Variants in KDM3A observed in about 807,000 individuals in gnomAD.
KDM3A encodes lysine demethylase 3A.
KDM3A carries 60 observed loss-of-function variants against 158.0 expected under a neutral mutation model. The ratio of observed to expected loss-of-function variants is 0.38; its 90% confidence interval spans 0.31 to 0.47. The LOEUF (loss-of-function observed/expected upper bound fraction) is 0.47, where lower values mean the gene tolerates loss of function less well. KDM3A is among the 20% of genes least tolerant of loss of function. The pLI, the probability that KDM3A is intolerant of heterozygous loss-of-function variation, is 0.99. For synonymous variants in KDM3A, 608 were observed against 549.3 expected, an observed-to-expected ratio of 1.11 and a Z score of -1.49; for missense variants, 1,319 against 1,574.3, an observed-to-expected ratio of 0.84 and a Z score of 2.74.
chr2:86,491,852 G>A (rs1007349865), intron 25 of KDM3A, 187 bp from the exon 26 acceptor site: 2 of 578,532 alleles, frequency 3.5e-6, no homozygotes, highest in Admixed American at 3.1e-5. Context: ...GAAATCATGG[G>A]TTTAAAATGT....
chr2:86,456,892 T>G lies in KDM3A; in HGVS notation c.754+15T>G, dbSNP rs1558610644. ...TGTGACATGTGGTAAGATATGTTAT[T>G]AAAATCTTTCTTCTCCTTCCTCCTT... On this transcript the variant is annotated intron_variant, in intron 7 of 25. Transcript: ENST00000312912. 6.3e-7 allele frequency: 1 copy of G among 1,598,616 alleles called. No individual in the cohort carries two copies. The highest frequency in any genetic ancestry group is 1.1e-5 in the South Asian group (1 of 90,288).
chr2:86,439,854 T>G (rs1421697017), upstream of KDM3A, among the ~76,000 whole-genome samples: 1 of 152,196 alleles, frequency 6.6e-6, no homozygotes, highest in Non-Finnish European at 1.5e-5. Flanking sequence ...ATTGCTATAC[T>G]GCTTTCATTT....
chr2:86,438,921 C>T (rs1270401749), upstream of KDM3A, among the ~76,000 whole-genome samples: 1 of 151,994 alleles, frequency 6.6e-6, no homozygotes, highest in East Asian at 1.9e-4. Flanking sequence ...AAATCCTCTA[C>T]AACTTTCCAA....
chr2:86,449,703 G>T, intron 2 of KDM3A, 104 bp from the exon 3 acceptor site: 1 of 1,254,446 alleles, frequency 8.0e-7, no homozygotes, highest in South Asian at 1.5e-5. Flanking sequence ...TCCAGATAAA[G>T]GATTCAAATA....
chr2:86,456,640 T>TA, intron 6 of KDM3A, 74 bp downstream of exon 6: 1 of 1,432,686 alleles, frequency 7.0e-7, no homozygotes, highest in South Asian at 1.2e-5. Context: ...TATGATTTTC[T>TA]AGGCACTAAA....
intron 11 of KDM3A, among the ~76,000 whole-genome samples, chr2:86,472,221 T>C (rs1336046916): frequency 1.3e-5 from 2 of 152,144 alleles, no homozygotes; most frequent in East Asian, 3.8e-4. Flanking sequence ...ACTTTATGAC[T>C]TAGCTGTTTT....
intron 8 of KDM3A, among the ~76,000 whole-genome samples, chr2:86,457,816 T>G (rs1330626528): frequency 6.6e-6 from 1 of 152,224 alleles, no homozygotes; most frequent in African/African-American, 2.4e-5. Flanking sequence ...GGTTTGCCAT[T>G]ACTAATTTCT....
intron 4 of KDM3A, among the ~76,000 whole-genome samples, chr2:86,454,627 C>T (rs971427483): frequency 6.6e-6 from 1 of 151,958 alleles, no homozygotes; most frequent in Non-Finnish European, 1.5e-5. Context: ...AAAAAAAAAC[C>T]CAGACAGTAA....
intron 1 of KDM3A, 158 bp from the exon 2 acceptor site, chr2:86,441,853 AGGGCGGC>A (rs1682727142): frequency 6.4e-6 from 1 of 156,992 alleles, no homozygotes; most frequent in Non-Finnish European, 9.5e-6. Flanking sequence ...GTGGCGGGGG[AGGGCGGC>A]GGGGGGCGGG....
chr2:86,484,328 C>T (rs774180268), intron 19 of KDM3A, among the ~76,000 whole-genome samples, 170 bp downstream of exon 19: 4 of 152,180 alleles, frequency 2.6e-5, no homozygotes, highest in African/African-American at 7.2e-5. Context: ...CTTTTAAACA[C>T]TGAGGCATTA....
At chr2:86,464,508 G>C (rs1421997890) in intron 9 of KDM3A, among the ~76,000 whole-genome samples, 1 of 152,198 alleles carries the variant, frequency 6.6e-6, no homozygotes, top group Non-Finnish European at 1.5e-5. Context: ...AAAGGGAACA[G>C]ATTGGTTGTA....
intron 19 of KDM3A, among the ~76,000 whole-genome samples, chr2:86,484,441 G>GA (rs1391403598): frequency 1.3e-5 from 2 of 152,184 alleles, no homozygotes; most frequent in Non-Finnish European, 2.9e-5. Context: ...GCTGGCCTCA[G>GA]AAAAATGGGT....
intron 1 of KDM3A, among the ~76,000 whole-genome samples, chr2:86,441,812 C>G (rs1210856186): frequency 7.1e-6 from 1 of 140,612 alleles, no homozygotes; most frequent in Non-Finnish European, 1.5e-5. Flanking sequence ...CTTGGGAGAG[C>G]GAGGGTCACG....
intron 8 of KDM3A, among the ~76,000 whole-genome samples, chr2:86,462,850 T>G (rs1327741030): frequency 2.0e-5 from 3 of 152,108 alleles, no homozygotes; most frequent in Non-Finnish European, 2.9e-5. Flanking sequence ...CCCAGCACTT[T>G]AGGAGGCCAA....
At chr2:86,452,392 A>G (rs1436499591) in intron 4 of KDM3A, among the ~76,000 whole-genome samples, 2 of 152,180 alleles carry the variant, frequency 1.3e-5, no homozygotes, top group Non-Finnish European at 2.9e-5. Context: ...ACAGAAACAC[A>G]TAAAACAAGA....
At chr2:86,439,364 A>G (rs1405113371), upstream of KDM3A, among the ~76,000 whole-genome samples, 1 of 152,072 alleles carries the variant, frequency 6.6e-6, no homozygotes, top group Non-Finnish European at 1.5e-5. Flanking sequence ...ATTTGCTGGT[A>G]TTTTATAAAA....
chr2:86,477,385 G>T (rs1673707322), intron 12 of KDM3A, among the ~76,000 whole-genome samples: 1 of 152,206 alleles, frequency 6.6e-6, no homozygotes, highest in Non-Finnish European at 1.5e-5. Context: ...AGTCTGAGTG[G>T]ATGTAGGGTA....
In KDM3A at chr2:86,478,640, G is replaced by A; in HGVS notation, c.2221G>A (p.Val741Ile). The change falls in exon 15 of 26, where the codon GTA becomes ATA. Residue 741 changes from valine (V) to isoleucine (I), a missense_variant. By Grantham distance (29) the Val-to-Ile change is conservative (BLOSUM62 3). Transcript: ENST00000312912. ...TGATGTTGGAGACATTGTTCATTCT[G>A]TAAGAGCGAAATGGGGAATAAAGGC... ...LYDVGDIVHS[V>I]RAKWGIKANC... 6.2e-7 allele frequency: 1 copy of A among 1,614,008 alleles called. No homozygotes were observed. The highest frequency in any genetic ancestry group is 1.1e-5 in the South Asian group (1 of 91,072).
chr2:86,471,091 G>A (rs1019713579), intron 11 of KDM3A, among the ~76,000 whole-genome samples: 2 of 152,160 alleles, frequency 1.3e-5, no homozygotes, highest in Non-Finnish European at 2.9e-5. Flanking sequence ...CAGGAAGGTC[G>A]CACCTGTGTC....
Sources: allele counts gnomAD v4.1 joint callset (sites outside exome capture counted in the v4.1 genomes callset), GRCh38; gene constraint gnomAD v4.1.1; transcripts MANE v1.5; gene names NCBI Gene and HGNC (gene_info 2026-07-23, HGNC 2026-07-21).